The following SAA4 variants were observed in gnomAD, a reference collection of about 807,000 sequenced individuals.
SAA4 encodes serum amyloid A4, constitutive.
A neutral mutation model predicts 11.2 loss-of-function variants in SAA4; 8 were observed. The ratio of observed to expected loss-of-function variants is 0.71; its 90% confidence interval spans 0.42 to 1.29. The LOEUF (loss-of-function observed/expected upper bound fraction) is 1.29. Among genes scored for constraint, SAA4 ranks in the 50% most tolerant of loss-of-function variants. SAA4 has a pLI of 0.01. For synonymous variants in SAA4, 60 were observed against 56.2 expected (o/e 1.07, Z -0.30); for missense variants, 171 against 164.2 (o/e 1.04, Z -0.23).
chr11:18,231,531 T>C lies in SAA4; in HGVS notation c.364A>G (p.Arg122Gly). ...TATTTCTTAGGCAGGCCGTCAGGTCTGAAGCGGTCGGGGTCTTTGCCACTC... is the reference window on the plus strand; with the variant it reads ...TATTTCTTAGGCAGGCCGTCAGGTCCGAAGCGGTCGGGGTCTTTGCCACTC... ...GRSGKDPDRF[R>G]PDGLPKKY Residue 122 changes from arginine to glycine, a missense_variant, in exon 4 of 4, where the codon AGA (arginine) becomes GGA (glycine). Arg to Gly is a moderately radical substitution (Grantham distance 125). Coordinates refer to ENST00000278222, the MANE Select transcript of SAA4 (RefSeq NM_006512.4). 1.2e-6 allele frequency: 2 copies of C among 1,613,844 alleles called. No homozygotes were observed. The highest frequency in any genetic ancestry group is 2.2e-5 in the South Asian group (2 of 91,050).
Position 18,235,868 on chromosome 11 carries a change from C to A in SAA4, c.59G>T (p.Ser20Ile). The change falls in exon 2 of 4, where the codon AGC becomes ATC. Residue 20 changes from serine to isoleucine, a missense_variant. Ser to Ile is a moderately radical substitution (Grantham distance 142). Coordinates refer to ENST00000278222, the MANE Select transcript of SAA4 (RefSeq NM_006512.4). ...CSLVMGVTSE[S>I]WRSFFKEALQ... Reference sequence around the variant, plus strand: ...AGCCTCCTTGAAAAACGAACGCCAGCTTTCACTGGTGACTCCCATGACCAA... The same window carrying A: ...AGCCTCCTTGAAAAACGAACGCCAGATTTCACTGGTGACTCCCATGACCAA... 4 of 1,613,836 alleles carry A rather than the reference C, an allele frequency of 2.5e-6. No individual in the cohort carries two copies. Among genetic ancestry groups the A allele is most frequent in the Non-Finnish European group, 2.5e-6 (3 of 1,179,876 alleles).
At chr11:18,234,294 G>C (rs1026141973) in intron 2 of SAA4, among the ~76,000 whole-genome samples, 3 of 152,244 alleles carry the variant, frequency 2.0e-5, no homozygotes, top group African/African-American at 7.2e-5. Flanking sequence ...TTAACTGGAA[G>C]AGGGCATGAG....
At chr11:18,232,616 AT>A in intron 2 of SAA4, 83 bp from the exon 3 acceptor site, 2 of 1,536,844 alleles carry the variant, frequency 1.3e-6, no homozygotes, top group Non-Finnish European at 1.8e-6. Context: ...TGATTTCCAG[AT>A]TTTGGCCCTT....
intron 1 of SAA4, 146 bp from the exon 2 acceptor site, chr11:18,236,076 T>C: frequency 1.1e-6 from 1 of 899,670 alleles, no homozygotes; most frequent in South Asian, 1.9e-5. Flanking sequence ...CTTTCTTTCT[T>C]TCTTTTTTTT....
chr11:18,232,410 G>A lies in SAA4; in HGVS notation c.215C>T (p.Ala72Val), dbSNP rs140900148. ...TCTGTGTTACCTGATGAGTTTAGCA[G>A]CCCAGACACCCCCAGGTCCTCTTTG... ...AAQRGPGGVW[A>V]AKLISRSRVY... is the part of the protein sequence containing the mutation. The change falls in exon 3 of 4, where the codon GCT becomes GTT. Residue 72 changes from alanine (A) to valine (V), a missense_variant. Ala to Val is a moderately conservative substitution (Grantham distance 64). Transcript: ENST00000278222. 5.6e-6 allele frequency: 9 copies of A among 1,614,098 alleles called. No homozygotes were observed. The highest frequency in any genetic ancestry group is 6.8e-6 in the Non-Finnish European group (8 of 1,180,000).
Position 18,231,582 on chromosome 11 carries a change from T to G in SAA4, c.313A>C (p.Asn105His), listed in dbSNP as rs1327110253. 1 of 1,614,076 alleles carries G rather than the reference T, an allele frequency of 6.2e-7. No homozygotes were observed. The highest frequency in any genetic ancestry group is 8.5e-7 in the Non-Finnish European group (1 of 1,180,050). Residue 105 changes from asparagine to histidine, a missense_variant, in exon 4 of 4, where the codon AAC (asparagine) becomes CAC (histidine). Asn to His is a moderately conservative substitution (Grantham distance 68). Transcript: ENST00000278222. ...CGGCCCCATTCCTCAGCTTTCTCGT[T>G]GGACTTCGAGTCCTCCAATACAGTG... ...SSTVLEDSKS[N>H]EKAEEWGRSG...
At chr11:18,234,092 A>G (rs1473718141) in intron 2 of SAA4, among the ~76,000 whole-genome samples, 1 of 152,228 alleles carries the variant, frequency 6.6e-6, no homozygotes, top group Non-Finnish European at 1.5e-5. Context: ...ACTATGTAGC[A>G]ATGAAAAAGA....
At chr11:18,234,616 T>A (rs1245133567) in intron 2 of SAA4, among the ~76,000 whole-genome samples, 1 of 152,196 alleles carries the variant, frequency 6.6e-6, no homozygotes, top group African/African-American at 2.4e-5. Context: ...TGATAAATAG[T>A]TTTAATTGTT....
At chr11:18,233,510 G>A (rs1469548305) in intron 2 of SAA4, among the ~76,000 whole-genome samples, 1 of 151,946 alleles carries the variant, frequency 6.6e-6, no homozygotes, top group African/African-American at 2.4e-5. Flanking sequence ...ATTGTTTTGG[G>A]TTTTGTTTTT....
intron 2 of SAA4, among the ~76,000 whole-genome samples, chr11:18,235,340 A>G (rs947675258): frequency 1.9e-5 from 2 of 107,490 alleles, no homozygotes; most frequent in African/African-American, 6.3e-5. Context: ...GTGGCTAATC[A>G]GTAGAAATTT....
At chr11:18,232,351 G>A (rs1285912581) in intron 3 of SAA4, 44 bp downstream of exon 3, 3 of 1,604,226 alleles carry the variant, frequency 1.9e-6, no homozygotes, top group Non-Finnish European at 1.7e-6. Flanking sequence ...AAGACAGATA[G>A]GCACTGCTGG....
Position 18,232,379 on chromosome 11 carries a change from C to G in SAA4, c.230+16G>C. ...ACTGCTGGCCTCTCACTGGAGTCCC[C>G]GGGAATCTGTGTTACCTGATGAGTT... is the stretch of plus-strand genomic sequence containing the variant. On this transcript the variant is annotated intron_variant, in intron 3 of 3. Coordinates refer to ENST00000278222, the MANE Select transcript of SAA4 (RefSeq NM_006512.4). 6.2e-7 allele frequency: 1 copy of G among 1,612,684 alleles called. No individual in the cohort carries two copies. The highest frequency in any genetic ancestry group is 8.5e-7 in the Non-Finnish European group (1 of 1,179,448).
intron 2 of SAA4, among the ~76,000 whole-genome samples, chr11:18,233,613 G>C (rs1293348162): frequency 6.6e-6 from 1 of 151,948 alleles, no homozygotes; most frequent in African/African-American, 2.4e-5. Context: ...CTGGGCTCAA[G>C]TGATCATCCC....
At chr11:18,235,783 C>A in intron 2 of SAA4, 53 bp downstream of exon 2, 1 of 1,571,350 alleles carries the variant, frequency 6.4e-7, no homozygotes, top group Non-Finnish European at 8.7e-7. Context: ...AGTATGTGGC[C>A]CCTGCTCAGA....
intron 1 of SAA4, among the ~76,000 whole-genome samples, 166 bp from the exon 2 acceptor site, chr11:18,236,096 C>T (rs1488544263): frequency 6.7e-6 from 1 of 149,528 alleles, no homozygotes; most frequent in African/African-American, 2.5e-5. Flanking sequence ...TTTCCTATTG[C>T]CCAGGCTAAA....
intron 2 of SAA4, among the ~76,000 whole-genome samples, chr11:18,233,488 G>A (rs1857165555): frequency 6.6e-6 from 1 of 152,090 alleles, no homozygotes. Flanking sequence ...TGGAACAACT[G>A]GAACTCTCAT....
intron 2 of SAA4, among the ~76,000 whole-genome samples, chr11:18,233,281 C>T (rs1275118445): frequency 6.6e-6 from 1 of 152,164 alleles, no homozygotes; most frequent in East Asian, 1.9e-4. Flanking sequence ...GGGAATCATA[C>T]CTACCTCCCT....
chr11:18,231,848 A>AC (rs1257960723), intron 3 of SAA4, among the ~76,000 whole-genome samples, 184 bp from the exon 4 acceptor site: 4 of 39,782 alleles, frequency 1.0e-4, no homozygotes, highest in South Asian at 1.9e-3. Flanking sequence ...GTCTACTGAT[A>AC]CTTGCGCTCT....
chr11:18,233,676 T>TA (rs1000319066), intron 2 of SAA4, among the ~76,000 whole-genome samples: 10 of 122,544 alleles, frequency 8.2e-5, no homozygotes, highest in African/African-American at 2.3e-4. Flanking sequence ...CACACCCAGC[T>TA]AATTTTTTTT....
Sources: gnomAD v4.1 joint callset for allele counts (sites outside exome capture counted in the v4.1 genomes callset) on GRCh38, gnomAD v4.1.1 for gene constraint, MANE v1.5 for transcripts, NCBI Gene and HGNC (gene_info 2026-07-23, HGNC 2026-07-21) for gene names.